APBB1IP: variants seen among roughly 807,000 people sequenced by gnomAD.
APBB1IP encodes the protein amyloid beta A4 precursor protein-binding family B member 1-interacting protein.
In APBB1IP, 27 loss-of-function variants were observed where a neutral mutation model predicts 64.9. That is an observed-to-expected ratio of 0.42 (90% CI 0.31 to 0.57). The LOEUF is 0.57. APBB1IP is among the 20% of genes least tolerant of loss of function. APBB1IP has a pLI of 0.20. For synonymous variants in APBB1IP, 392 were observed against 331.0 expected, an observed-to-expected ratio of 1.18 and a Z score of -2.00; for missense variants, 812 against 845.5, an observed-to-expected ratio of 0.96 and a Z score of 0.49.
intron 14 of APBB1IP, among the ~76,000 whole-genome samples, chr10:26,565,311 C>T (rs1011263156): frequency 6.6e-6 from 1 of 152,216 alleles, no homozygotes; most frequent in Non-Finnish European, 1.5e-5. Flanking sequence ...ACCAGCTCAA[C>T]TCAGACCAAG....
chr10:26,476,675 A>G (rs578068518), intron 2 of APBB1IP, among the ~76,000 whole-genome samples: 1 of 152,308 alleles, frequency 6.6e-6, no homozygotes, highest in East Asian at 1.9e-4. Flanking sequence ...ATCACAGTAC[A>G]GTAAATGTAC....
chr10:26,475,503 T>G (rs2796902), intron 2 of APBB1IP, among the ~76,000 whole-genome samples: 6,723 of 152,262 alleles, frequency 0.044, 481 homozygotes, highest in African/African-American at 0.15. Flanking sequence ...CCTGTGTTTT[T>G]CCTTCACACA....
Position 26,567,229 on chromosome 10 carries a change from A to C in APBB1IP, c.1742A>C (p.Asp581Ala). Reference sequence around the variant, plus strand: ...CCGGACTTCATGGAGCCGCCCCCAGACTTCGTGCCCCCGCCCCCGCCGTCG... The same window carrying C: ...CCGGACTTCATGGAGCCGCCCCCAGCCTTCGTGCCCCCGCCCCCGCCGTCG... Reference protein sequence around the residue: ...PPPDFMEPPPDFVPPPPPSYA... With the variant: ...PPPDFMEPPPAFVPPPPPSYA... Residue 581 changes from aspartate to alanine, a missense_variant, in exon 15 of 15, where the codon GAC becomes GCC. Around this residue, in one of 3 missense-constraint regions of APBB1IP, gnomAD observed 381 missense variants for 352.1 expected, o/e 1.08. Coordinates refer to ENST00000376236, the MANE Select transcript of APBB1IP (RefSeq NM_019043.4). 7.5e-7 allele frequency: 1 copy of C among 1,327,134 alleles called. No individual in the cohort carries two copies. The highest frequency in any genetic ancestry group is 9.6e-7 in the Non-Finnish European group (1 of 1,039,022). The allele number at this position is 1,327,134 out of a possible 1,614,324, so 82.2% of individuals were successfully genotyped here.
chr10:26,501,194 C>A, intron 5 of APBB1IP, 83 bp downstream of exon 5: 1 of 1,571,772 alleles, frequency 6.4e-7, no homozygotes, highest in Non-Finnish European at 8.7e-7. Context: ...CATTACATTC[C>A]TAAGTTGGTA....
chr10:26,515,038 AT>A (rs10668002), intron 8 of APBB1IP, among the ~76,000 whole-genome samples: 67 of 132,998 alleles, frequency 5.0e-4, no homozygotes, highest in South Asian at 2.0e-3. Context: ...CCCCCGGCTA[AT>A]TTTTTTTTTT....
chr10:26,554,301 C>A (rs1836867596), intron 11 of APBB1IP, among the ~76,000 whole-genome samples: 1 of 152,200 alleles, frequency 6.6e-6, no homozygotes, highest in Non-Finnish European at 1.5e-5. Flanking sequence ...AGTCCCAAAT[C>A]AAGGTGATAT....
chr10:26,539,442 TGAAG>T (rs1404608116), intron 10 of APBB1IP, among the ~76,000 whole-genome samples: 2 of 94,960 alleles, frequency 2.1e-5, no homozygotes, highest in Non-Finnish European at 4.4e-5. Context: ...AGAGAGAGAG[TGAAG>T]GAAGGAAGAA....
rs1261704500 is a variant in APBB1IP at position 26,486,199 on chromosome 10, C to CAGGGAAGATTTTTAAACAGGAG, written c.1-6125_1-6104dup. Reference sequence around the variant, plus strand: ...CGCTCTCCACTTCATCATAAGCAGCCAGGGAAGATTTTTAAACAGGAGAGT... The same window carrying CAGGGAAGATTTTTAAACAGGAG: ...CGCTCTCCACTTCATCATAAGCAGCCAGGGAAGATTTTTAAACAGGAGAGGGAAGATTTTTAAACAGGAGAGT... On this transcript the variant is annotated intron_variant, in intron 2 of 14. Coordinates refer to ENST00000376236, the MANE Select transcript of APBB1IP (RefSeq NM_019043.4). 2.0e-5 allele frequency among the ~76,000 whole-genome samples: 3 copies of CAGGGAAGATTTTTAAACAGGAG among 152,116 alleles called. No homozygotes were observed. In the East Asian group the frequency reaches 5.8e-4, roughly 29 times the overall value.
At chr10:26,529,882 T>C (rs893001762) in intron 8 of APBB1IP, among the ~76,000 whole-genome samples, 1 of 152,122 alleles carries the variant, frequency 6.6e-6, no homozygotes, top group South Asian at 2.1e-4. Flanking sequence ...CTCAGGTGAT[T>C]CACCCACCTT....
At chr10:26,516,884 T>C (rs2132449944) in intron 8 of APBB1IP, among the ~76,000 whole-genome samples, 1 of 152,244 alleles carries the variant, frequency 6.6e-6, no homozygotes, top group African/African-American at 2.4e-5. Context: ...CACCAGAAGA[T>C]ATATGGGGGG....
chr10:26,457,556 T>C (rs1835541330), intron 2 of APBB1IP, among the ~76,000 whole-genome samples: 1 of 152,234 alleles, frequency 6.6e-6, no homozygotes. Context: ...GTGCTGACTT[T>C]GTCCCCAGTT....
rs180827311 is a variant in APBB1IP, at chr10:26,543,431, C to T, written c.1155+1739C>T. On this transcript the variant is annotated intron_variant, in intron 11 of 14. Transcript: ENST00000376236. ...GCAGTGAGCCGAGATCGCACCACTG[C>T]ACTCCAGCCTGGGCGACAGAGAGAG... 4.9e-3 allele frequency among the ~76,000 whole-genome samples: 728 copies of T among 148,746 alleles called. 3 individuals are homozygous for T. The highest frequency in any genetic ancestry group is 8.2e-3 in the Non-Finnish European group (556 of 67,460).
intron 8 of APBB1IP, 126 bp from the exon 9 acceptor site, chr10:26,533,313 A>C: frequency 2.0e-6 from 1 of 509,398 alleles, no homozygotes. Context: ...GACTGATATC[A>C]TATGCTCTGG....
rs1292416976 is a variant in APBB1IP at position 26,567,137 on chromosome 10, C to G, written c.1650C>G (p.Pro550=). 7 of 1,421,292 alleles carry G rather than the reference C, an allele frequency of 4.9e-6. No individual in the cohort carries two copies. The highest frequency in any genetic ancestry group is 6.4e-6 in the Non-Finnish European group (7 of 1,097,268). 88.0% of individuals were successfully genotyped at this position (1,421,292 alleles called of 1,614,324 possible). The change falls in exon 15 of 15, where the codon CCC becomes CCG. Residue 550 remains proline, a synonymous_variant. Coordinates refer to ENST00000376236, the MANE Select transcript of APBB1IP (RefSeq NM_019043.4). ...GTGGGGLPAP[P]DDFLPPPPPP... Reference sequence around the variant, plus strand: ...GCGGCGGGGGCTTGCCCGCCCCACCCGACGACTTCCTGCCGCCGCCGCCAC... The same window carrying G: ...GCGGCGGGGGCTTGCCCGCCCCACCGGACGACTTCCTGCCGCCGCCGCCAC...
chr10:26,455,917 A>C (rs1835519801), intron 2 of APBB1IP, among the ~76,000 whole-genome samples: 1 of 152,220 alleles, frequency 6.6e-6, no homozygotes, highest in Non-Finnish European at 1.5e-5. Flanking sequence ...TCCATCAACT[A>C]ATAAAAAGAA....
At chr10:26,447,152 T>C (rs1835408609) in intron 2 of APBB1IP, among the ~76,000 whole-genome samples, 1 of 151,794 alleles carries the variant, frequency 6.6e-6, no homozygotes, top group Non-Finnish European at 1.5e-5. Flanking sequence ...GGAGGGCAGA[T>C]CACGAGGTCA....
chr10:26,512,242 G>A (rs970557761), intron 7 of APBB1IP, among the ~76,000 whole-genome samples: 2 of 152,160 alleles, frequency 1.3e-5, no homozygotes, highest in Non-Finnish European at 2.9e-5. Context: ...GCAGGTGGTG[G>A]CCAGACCTTG....
At chr10:26,564,603 G>A (rs1348146624) in intron 14 of APBB1IP, among the ~76,000 whole-genome samples, 2 of 152,138 alleles carry the variant, frequency 1.3e-5, no homozygotes, top group Non-Finnish European at 2.9e-5. Flanking sequence ...AGGAGTTGGA[G>A]ACCAGAGTGG....
intron 2 of APBB1IP, among the ~76,000 whole-genome samples, chr10:26,468,635 C>T (rs1202418159): frequency 6.6e-6 from 1 of 151,492 alleles, no homozygotes; most frequent in Non-Finnish European, 1.5e-5. Context: ...TTGCGGTTTT[C>T]ACAATTAAGA....
Sources: gnomAD v4.1 joint callset for allele counts (sites outside exome capture counted in the v4.1 genomes callset) on GRCh38, gnomAD v4.1.1 for gene constraint, gnomAD v4.1.1 regional missense constraint, MANE v1.5 for transcripts, NCBI Gene and HGNC (gene_info 2026-07-23, HGNC 2026-07-21) for gene names.